The following RNASE10 variants were observed in gnomAD, a reference collection of about 807,000 sequenced individuals.
RNASE10 encodes the protein inactive ribonuclease-like protein 10.
In RNASE10, 2 loss-of-function variants were observed where a neutral mutation model predicts 1.1. The observed-to-expected ratio is 1.82, with a 90% CI of 0.74 to 5.73. The LOEUF is 5.73. Ranked by LOEUF, RNASE10 falls within the 30% of genes most tolerant of loss-of-function variation. RNASE10 has a pLI of 0.05. For synonymous variants in RNASE10, 97 were observed against 96.2 expected, an observed-to-expected ratio of 1.01 and a Z score of -0.05; for missense variants, 276 against 263.4, an observed-to-expected ratio of 1.05 and a Z score of -0.33.
intron 1 of RNASE10, among the ~76,000 whole-genome samples, chr14:20,507,339 T>G (rs1882769902): frequency 7.5e-6 from 1 of 133,136 alleles, no homozygotes; most frequent in African/African-American, 3.0e-5. Flanking sequence ...CTCTGAAACA[T>G]GTGCTGTGTC....
At chr14:20,509,434 G>C (rs1248189517) in intron 1 of RNASE10, among the ~76,000 whole-genome samples, 2 of 152,196 alleles carry the variant, frequency 1.3e-5, no homozygotes, top group African/African-American at 2.4e-5. Context: ...TTTCTTCCCT[G>C]AGAGTATAAA....
chr14:20,505,314 CTCTCCCTCTCCCTCCACGGTCTCCT>C (rs1882670696), upstream of RNASE10, among the ~76,000 whole-genome samples: 1 of 65,456 alleles, frequency 1.5e-5, no homozygotes, highest in Non-Finnish European at 3.0e-5. Context: ...CTCCCTCTCC[CTCTCCCTCTCCCTCCACGGTCTCCT>C]TCCACGGTCT....
At chr14:20,513,873 T>G (rs766526844), downstream of RNASE10, among the ~76,000 whole-genome samples, 9 of 152,262 alleles carry the variant, frequency 5.9e-5, no homozygotes, top group Non-Finnish European at 1.2e-4. Flanking sequence ...TTGAGTATAC[T>G]GGATATGATC....
intron 1 of RNASE10, among the ~76,000 whole-genome samples, chr14:20,506,506 C>T (rs1335548882): frequency 1.6e-5 from 2 of 129,010 alleles, no homozygotes; most frequent in Admixed American, 7.4e-5. Flanking sequence ...GTCAGCCCCC[C>T]GCCCGGCCAG....
At chr14:20,509,632 G>A (rs1401559413) in intron 1 of RNASE10, among the ~76,000 whole-genome samples, 1 of 152,144 alleles carries the variant, frequency 6.6e-6, no homozygotes, top group East Asian at 1.9e-4. Context: ...GGGAAGGTGG[G>A]TAACAAGAAG....
intron 1 of RNASE10, among the ~76,000 whole-genome samples, chr14:20,507,130 G>A (rs1303791066): frequency 6.7e-6 from 1 of 148,750 alleles, no homozygotes; most frequent in Non-Finnish European, 1.5e-5. Flanking sequence ...CGGCTCATTG[G>A]GGATGGGCCA....
intron 1 of RNASE10, among the ~76,000 whole-genome samples, chr14:20,508,818 A>G (rs191827940): frequency 1.0e-3 from 152 of 152,296 alleles, no homozygotes; most frequent in Admixed American, 3.5e-3. Flanking sequence ...ACTTATGTAG[A>G]TATGTATGTA....
downstream of RNASE10, among the ~76,000 whole-genome samples, chr14:20,513,778 A>G (rs779330660): frequency 2.6e-5 from 4 of 152,224 alleles, no homozygotes; most frequent in Non-Finnish European, 5.9e-5. Flanking sequence ...AAATCTGAAA[A>G]TGTTGGCCAA....
intron 1 of RNASE10, among the ~76,000 whole-genome samples, chr14:20,506,781 G>T (rs1184072109): frequency 1.4e-3 from 164 of 115,216 alleles, no homozygotes; most frequent in Non-Finnish European, 1.8e-3. Flanking sequence ...TCAGCCCCCC[G>T]CCCGGCCAGC....
intron 1 of RNASE10, among the ~76,000 whole-genome samples, chr14:20,506,606 G>A (rs1476268220): frequency 3.8e-5 from 4 of 104,982 alleles, no homozygotes; most frequent in East Asian, 2.7e-4. Context: ...CGCCCAGTCC[G>A]GGAGGGAGGT....
chr14:20,508,929 C>G (rs1321471561), intron 1 of RNASE10, among the ~76,000 whole-genome samples: 1 of 152,046 alleles, frequency 6.6e-6, no homozygotes, highest in Non-Finnish European at 1.5e-5. Context: ...TTATCTACTA[C>G]AGAGATCATA....
chr14:20,508,788 A>G (rs145505480), intron 1 of RNASE10, among the ~76,000 whole-genome samples: 2 of 152,268 alleles, frequency 1.3e-5, no homozygotes, highest in African/African-American at 4.8e-5. Context: ...GTTAATATAT[A>G]TTACTAATTT....
chr14:20,510,559 G>A (rs758863725), exon 2 of RNASE10: 3 of 1,614,154 alleles, frequency 1.9e-6, no homozygotes, highest in South Asian at 2.2e-5. Flanking sequence ...ACTTCATATG[G>A]CTACAGCAGT....
rs141835860 is a variant in RNASE10, at chr14:20,509,779, C to T, written c.80-688C>T. Among the ~76,000 whole-genome samples the T allele has an allele frequency of 7.2e-5, 11 of 152,120 alleles. No homozygotes were observed. The East Asian group carries it at 7.7e-4, about 11-fold the overall frequency. ...CTAAAGGAGAGTGTGACACTGTACA[C>T]GCTTGTCTTCTCAATCATTCTCTGG... On this transcript the variant is annotated intron_variant, in intron 1 of 1. Transcript: ENST00000430083.
At chr14:20,510,341 G>C (rs919887382) in intron 1 of RNASE10, 126 bp from the exon 2 acceptor site, 7 of 1,388,946 alleles carry the variant, frequency 5.0e-6, no homozygotes, top group Non-Finnish European at 5.8e-6. Flanking sequence ...GAAGAGGGTA[G>C]AGTAATGTGC....
chr14:20,506,797 C>T (rs1435081372), intron 1 of RNASE10, among the ~76,000 whole-genome samples: 310 of 99,392 alleles, frequency 3.1e-3, no homozygotes, highest in African/African-American at 0.012. Context: ...CCAGCCGCCC[C>T]GTCCGGGAGG....
At chr14:20,509,296 C>T (rs917558924) in intron 1 of RNASE10, among the ~76,000 whole-genome samples, 1 of 152,250 alleles carries the variant, frequency 6.6e-6, no homozygotes, top group Non-Finnish European at 1.5e-5. Context: ...GATCCACCTG[C>T]CTTGGCCTCC....
At chr14:20,510,124 GAAAAAA>G (rs756992868) in intron 1 of RNASE10, among the ~76,000 whole-genome samples, 1 of 109,806 alleles carries the variant, frequency 9.1e-6, no homozygotes, top group Non-Finnish European at 2.0e-5. Context: ...GTCTCAAAAG[GAAAAAA>G]AAAAAAAAAA....
At chr14:20,505,866 G>C (rs1380995133) in exon 1 of RNASE10, 10 of 89,458 alleles carry the variant, frequency 1.1e-4, no homozygotes, top group Admixed American at 9.8e-4. Flanking sequence ...TCTAGGAAGC[G>C]AGGAGCGCCT....
Sources: allele counts gnomAD v4.1 joint callset (sites outside exome capture counted in the v4.1 genomes callset), GRCh38; gene constraint gnomAD v4.1.1; transcripts MANE v1.5; gene names NCBI Gene and HGNC (gene_info 2026-07-23, HGNC 2026-07-21).